The following KIF26B variants were observed in gnomAD, a reference collection of about 807,000 sequenced individuals.
KIF26B encodes the protein kinesin-like protein KIF26B.
KIF26B carries 63 observed loss-of-function variants against 151.2 expected under a neutral mutation model. The ratio of observed to expected loss-of-function variants is 0.42; its 90% confidence interval spans 0.34 to 0.51. The LOEUF is 0.51. KIF26B is among the 20% of genes least tolerant of loss of function. The pLI is 0.07. For missense variants in KIF26B, 2,813 were observed against 2,913.6 expected, an observed-to-expected ratio of 0.97 and a Z score of 0.79; for synonymous variants, 1,357 against 1,262.1, an observed-to-expected ratio of 1.08 and a Z score of -1.59.
chr1:245,437,663 T>C (rs529158563), intron 4 of KIF26B, among the ~76,000 whole-genome samples: 29 of 152,316 alleles, frequency 1.9e-4, no homozygotes, highest in African/African-American at 7.0e-4. Flanking sequence ...AGTATTTCTT[T>C]ACACATGCAA....
intron 2 of KIF26B, among the ~76,000 whole-genome samples, chr1:245,210,522 T>TTTC (rs1430303727): frequency 6.6e-6 from 1 of 151,914 alleles, no homozygotes; most frequent in Non-Finnish European, 1.5e-5. Flanking sequence ...TTTTTTTTTT[T>TTTC]TTTACTGTAT....
In KIF26B at chr1:245,369,191, GAGAGAGACAGAC is replaced by G. The variant is rs1014910847; in HGVS notation, c.999+1828_999+1839del. Among the ~76,000 whole-genome samples the G allele has an allele frequency of 1.7e-4, 24 of 138,432 alleles. No individual in the cohort carries two copies. The East Asian group carries it at 3.8e-3, about 22-fold the overall frequency. 90.8% of individuals were successfully genotyped at this position (138,432 alleles called of 152,430 possible). A position where few individuals can be genotyped will look rare whatever the true frequency, so the allele number is the denominator to read the frequency against. Reference sequence around the variant, plus strand: ...AGTGAGAGAGAGAGAGAGAGAGAGAGAGAGAGACAGACAGACAGACAGACAGTTTAGTCTCTT... The same window carrying G: ...AGTGAGAGAGAGAGAGAGAGAGAGAGAGACAGACAGACAGTTTAGTCTCTT... On this transcript the variant is annotated intron_variant, in intron 3 of 14. Transcript: ENST00000407071.
At chr1:245,677,953 G>C (rs1252023108) in intron 10 of KIF26B, among the ~76,000 whole-genome samples, 1 of 152,216 alleles carries the variant, frequency 6.6e-6, no homozygotes, top group Non-Finnish European at 1.5e-5. Context: ...TCCCATGAGG[G>C]ATAAGGAACT....
intron 2 of KIF26B, among the ~76,000 whole-genome samples, chr1:245,181,698 C>T (rs181114014): frequency 1.3e-5 from 2 of 152,056 alleles, no homozygotes; most frequent in Admixed American, 6.6e-5. Context: ...TTTATTCCTT[C>T]GATTTCTTTT....
intron 9 of KIF26B, among the ~76,000 whole-genome samples, chr1:245,614,150 T>G (rs2043558566): frequency 6.6e-6 from 1 of 152,174 alleles, no homozygotes; most frequent in South Asian, 2.1e-4. Flanking sequence ...TGGTTCCTGC[T>G]GCCTGTTCTG....
rs749502123 is a variant in KIF26B, at chr1:245,688,660, G to A, written c.5677G>A (p.Gly1893Ser). 1.4e-5 allele frequency: 22 copies of A among 1,603,832 alleles called. No individual in the cohort carries two copies. The highest frequency in any genetic ancestry group is 2.3e-5 in the East Asian group (1 of 44,412). The change falls in exon 12 of 15, where the codon GGC (glycine) becomes AGC (serine). Residue 1893 changes from glycine to serine, a missense_variant. Around this residue, in one of 3 missense-constraint regions of KIF26B, gnomAD observed 2,060 missense variants for 2,088.6 expected, o/e 0.99. Transcript: ENST00000407071. The part of the protein sequence containing the change: ...MGKTALFYHS[G>S]GSSGYESVMR... ...GAAGACGGCCCTGTTCTACCACAGC[G>A]GCGGCAGCAGCGGCTACGAGAGCGT...
chr1:245,377,622 A>G (rs1047229687), intron 3 of KIF26B, among the ~76,000 whole-genome samples: 2 of 152,164 alleles, frequency 1.3e-5, no homozygotes, highest in African/African-American at 4.8e-5. Flanking sequence ...AAATAGATAG[A>G]CAGACAGACA....
At chr1:245,211,343 G>A (rs7543641) in intron 2 of KIF26B, among the ~76,000 whole-genome samples, 147,875 of 152,302 alleles carry the variant, frequency 0.97, 71,925 homozygotes, top group East Asian at 1. Flanking sequence ...TCCCCTGCCC[G>A]CTGTGACTGT....
chr1:245,651,056 G>A (rs1469405758), intron 10 of KIF26B, among the ~76,000 whole-genome samples: 6 of 152,152 alleles, frequency 3.9e-5, no homozygotes, highest in Non-Finnish European at 7.3e-5. Context: ...CAAGCTGCAG[G>A]CCACGAGCAA....
At position 245,476,816 on chromosome 1, in the gene KIF26B, G is replaced by A. The variant is rs72635966; in HGVS notation, c.1166+57071G>A. Among the ~76,000 whole-genome samples the A allele has an allele frequency of 2.5e-3, 375 of 151,776 alleles. 12 individuals are homozygous for A. The East Asian group carries it at 0.058, about 23-fold the overall frequency. On this transcript the variant is annotated intron_variant, in intron 4 of 14. Transcript: ENST00000407071. ...GCTGGGATTACAGACGAGAGCCACC[G>A]CACCTGGCCACCCCTTTTATACTTT... is the stretch of plus-strand genomic sequence containing the variant.
intron 2 of KIF26B, among the ~76,000 whole-genome samples, chr1:245,254,348 G>A (rs1316841974): frequency 4.6e-5 from 7 of 152,064 alleles, no homozygotes; most frequent in African/African-American, 7.2e-5. Flanking sequence ...CTACTCAGGC[G>A]TTGTAACTTT....
intron 9 of KIF26B, among the ~76,000 whole-genome samples, chr1:245,633,180 T>C (rs935332634): frequency 6.6e-6 from 1 of 152,114 alleles, no homozygotes; most frequent in African/African-American, 2.4e-5. Flanking sequence ...ACACTTTTGG[T>C]TTCTATTTTC....
chr1:245,191,451 G>A (rs1326824559), intron 2 of KIF26B, among the ~76,000 whole-genome samples: 1 of 151,970 alleles, frequency 6.6e-6, no homozygotes, highest in African/African-American at 2.4e-5. Flanking sequence ...CACCCACCTG[G>A]GCAATAAGAG....
intron 2 of KIF26B, among the ~76,000 whole-genome samples, chr1:245,232,400 T>C (rs1347314698): frequency 6.6e-6 from 1 of 152,232 alleles, no homozygotes; most frequent in Non-Finnish European, 1.5e-5. Context: ...CTTGTAGTTC[T>C]TACAAACATT....
chr1:245,394,894 C>T (rs1054474748), intron 3 of KIF26B, among the ~76,000 whole-genome samples: 3 of 151,946 alleles, frequency 2.0e-5, no homozygotes, highest in African/African-American at 7.2e-5. Context: ...ATTTCACCAT[C>T]TTGGCCAGGC....
At chr1:245,650,877 T>C (rs116109779) in intron 10 of KIF26B, among the ~76,000 whole-genome samples, 3,111 of 152,316 alleles carry the variant, frequency 0.02, 112 homozygotes, top group African/African-American at 0.071. Flanking sequence ...ATAACCATCC[T>C]GTCGTGGAAA....
intron 2 of KIF26B, among the ~76,000 whole-genome samples, chr1:245,210,550 A>AT (rs1234094436): frequency 4.3e-5 from 5 of 116,872 alleles, no homozygotes; most frequent in African/African-American, 6.3e-5. Context: ...ATATTGTGGG[A>AT]TTTTTTTCCC....
chr1:245,236,772 AGT>A (rs1449369795), intron 2 of KIF26B, among the ~76,000 whole-genome samples: 1 of 152,176 alleles, frequency 6.6e-6, no homozygotes, highest in African/African-American at 2.4e-5. Context: ...AGGAATACTG[AGT>A]GTGTGTGGCC....
Position 245,639,110 on chromosome 1 carries a change from T to G in KIF26B, c.2099-7011T>G, listed in dbSNP as rs556783994. Among the ~76,000 whole-genome samples the G allele has an allele frequency of 1.2e-4, 19 of 152,072 alleles. No homozygotes were observed. The East Asian group carries it at 3.3e-3, about 26-fold the overall frequency. ...CAGTAAATCCATCAGTTCCCTGGCT[T>G]CTCTTTGATGGGAGACTTTTTATTA... On this transcript the variant is annotated intron_variant, in intron 9 of 14. Transcript: ENST00000407071.
Sources: gnomAD v4.1 joint callset for allele counts (sites outside exome capture counted in the v4.1 genomes callset) on GRCh38, gnomAD v4.1.1 for gene constraint, gnomAD v4.1.1 regional missense constraint, MANE v1.5 for transcripts, NCBI Gene and HGNC (gene_info 2026-07-23, HGNC 2026-07-21) for gene names.